Variants in REDIC1 observed in about 807,000 individuals in gnomAD.
REDIC1 encodes regulator of DNA class I crossover intermediates 1.
chr12:39,626,402 T>C, the REDIC1 span: 5 of 1,612,922 alleles, frequency 3.1e-6, no homozygotes, highest in East Asian at 8.9e-5. Context: ...CATTCATTCC[T>C]ACGACTCCTC....
chr12:39,783,592 G>A, the REDIC1 span, among the ~76,000 whole-genome samples: 1 of 152,154 alleles, frequency 6.6e-6, no homozygotes, highest in South Asian at 2.1e-4. Context: ...ATCTCATTGT[G>A]GCTTTGATTT....
chr12:39,721,605 A>T, the REDIC1 span: 1 of 163,798 alleles, frequency 6.1e-6, no homozygotes, highest in African/African-American at 2.4e-5. Context: ...TGTAGCATTT[A>T]TTTTAATATT....
At chr12:39,693,581 A>G in the REDIC1 span, among the ~76,000 whole-genome samples, 4 of 152,120 alleles carry the variant, frequency 2.6e-5, no homozygotes, top group African/African-American at 9.7e-5. Context: ...GAATTTATTT[A>G]TTTAATAAAA....
chr12:39,890,517 G>C, the REDIC1 span, among the ~76,000 whole-genome samples: 1 of 152,152 alleles, frequency 6.6e-6, no homozygotes, highest in South Asian at 2.1e-4. Context: ...ATAAGCATGA[G>C]AGTCTTAATA....
chr12:39,729,389 T>C, the REDIC1 span, among the ~76,000 whole-genome samples: 7 of 152,230 alleles, frequency 4.6e-5, no homozygotes, highest in Non-Finnish European at 1.0e-4. Context: ...AATGTACTTA[T>C]TTATTTCTAT....
the REDIC1 span, among the ~76,000 whole-genome samples, chr12:39,778,203 A>G: frequency 2.0e-5 from 3 of 152,350 alleles, no homozygotes; most frequent in Admixed American, 6.5e-5. Context: ...AGAACACTGC[A>G]TCCAACGTAC....
At chr12:39,693,251 C>T in the REDIC1 span, among the ~76,000 whole-genome samples, 2 of 151,938 alleles carry the variant, frequency 1.3e-5, no homozygotes, top group Admixed American at 6.6e-5. Flanking sequence ...AGTTTCATGT[C>T]GATCTGGTAC....
the REDIC1 span, among the ~76,000 whole-genome samples, chr12:39,739,538 T>C: frequency 6.6e-6 from 1 of 152,162 alleles, no homozygotes; most frequent in Non-Finnish European, 1.5e-5. Flanking sequence ...GATTGAATGA[T>C]TGATTAATAT....
the REDIC1 span, among the ~76,000 whole-genome samples, chr12:39,727,332 G>T: frequency 1.3e-5 from 2 of 152,142 alleles, no homozygotes; most frequent in Non-Finnish European, 2.9e-5. Flanking sequence ...TTTATATAAG[G>T]TGTAAGGAAG....
chr12:39,893,795 A>G, the REDIC1 span, among the ~76,000 whole-genome samples: 6 of 152,350 alleles, frequency 3.9e-5, 1 homozygote, highest in South Asian at 1.2e-3. Flanking sequence ...ATTTTCTGCA[A>G]TTTACTTTAA....
chr12:39,767,831 C>T, the REDIC1 span, among the ~76,000 whole-genome samples: 1 of 152,010 alleles, frequency 6.6e-6, no homozygotes, highest in Non-Finnish European at 1.5e-5. Flanking sequence ...GGGCTTTTCC[C>T]CTTTTTACTT....
chr12:39,814,766 A>G, the REDIC1 span, among the ~76,000 whole-genome samples: 3 of 151,980 alleles, frequency 2.0e-5, no homozygotes, highest in Non-Finnish European at 4.4e-5. Flanking sequence ...TTTAAATTTC[A>G]CATTTGCCAA....
chr12:39,764,781 G>T, the REDIC1 span: 1 of 1,612,920 alleles, frequency 6.2e-7, no homozygotes, highest in Non-Finnish European at 8.5e-7. Flanking sequence ...CAGAAGTGCA[G>T]TCCAGGAGTA....
At chr12:39,851,612 T>C in the REDIC1 span, among the ~76,000 whole-genome samples, 1 of 152,202 alleles carries the variant, frequency 6.6e-6, no homozygotes, top group African/African-American at 2.4e-5. Context: ...GTAATAGGTT[T>C]CTACAGTAAC....
At chr12:39,742,824 GT>G in the REDIC1 span, among the ~76,000 whole-genome samples, 1 of 152,112 alleles carries the variant, frequency 6.6e-6, no homozygotes, top group Admixed American at 6.5e-5. Context: ...GAAAATTGCT[GT>G]CCCCCAAATT....
the REDIC1 span, among the ~76,000 whole-genome samples, chr12:39,711,368 CACATAT>C: frequency 6.9e-6 from 1 of 144,774 alleles, no homozygotes; most frequent in Non-Finnish European, 1.5e-5. Flanking sequence ...TACATATATA[CACATAT>C]ACATATATGT....
At chr12:39,756,073 G>A in the REDIC1 span, 1 of 151,928 alleles carries the variant, frequency 6.6e-6, no homozygotes, top group African/African-American at 2.4e-5. Flanking sequence ...TTTATAGACT[G>A]CTACAACCTG....
At chr12:39,741,474 A>C in the REDIC1 span, among the ~76,000 whole-genome samples, 1 of 152,220 alleles carries the variant, frequency 6.6e-6, no homozygotes, top group Non-Finnish European at 1.5e-5. Flanking sequence ...CATGCAGTTC[A>C]TTTCACAAGG....
chr12:39,903,630 G>C, the REDIC1 span, among the ~76,000 whole-genome samples: 1 of 151,976 alleles, frequency 6.6e-6, no homozygotes, highest in Non-Finnish European at 1.5e-5. Flanking sequence ...CTCTTGGAGG[G>C]AAAATGTGAG....
Sources: gnomAD v4.1 joint callset for allele counts (sites outside exome capture counted in the v4.1 genomes callset) on GRCh38, gnomAD v4.1.1 for gene constraint, MANE v1.5 for transcripts, NCBI Gene and HGNC (gene_info 2026-07-23, HGNC 2026-07-21) for gene names.